Variants in ADAMTSL1 observed in about 807,000 individuals in gnomAD.
ADAMTSL1 encodes the protein ADAMTS like 1.
In ADAMTSL1, 126 loss-of-function variants were observed where a neutral mutation model predicts 201.8. The observed-to-expected ratio is 0.62, with a 90% CI of 0.54 to 0.72. The LOEUF (loss-of-function observed/expected upper bound fraction) is 0.72. Among genes scored for constraint, ADAMTSL1 ranks in the 30% least tolerant of loss-of-function variants. The pLI is 0.00. For synonymous variants in ADAMTSL1, 1,121 were observed against 903.4 expected (o/e 1.24, Z -4.32); for missense variants, 2,679 against 2,277.8 (o/e 1.18, Z -3.59).
intron 23 of ADAMTSL1, among the ~76,000 whole-genome samples, chr9:18,860,291 A>G (rs899677380): frequency 2.0e-5 from 3 of 152,210 alleles, no homozygotes; most frequent in African/African-American, 7.2e-5. Context: ...TTCTCAGCAT[A>G]CAGAAACTCA....
chr9:18,574,502 A>G, intron 4 of ADAMTSL1: 1 of 586,412 alleles, frequency 1.7e-6, no homozygotes. Context: ...TTGAATATAA[A>G]AGAATAAAAA....
In ADAMTSL1 at chr9:18,523,380, A is replaced by G. The variant is rs184313071; in HGVS notation, c.192-9867A>G. ...GAGTAGGTTGCAAAAATTTTCTCCC[A>G]TTCTGTAGGTTGCCTGTTCACTATG... On this transcript the variant is annotated intron_variant, in intron 2 of 28. Transcript: ENST00000380548. Among the ~76,000 whole-genome samples, 1,208 of 152,122 alleles carry G rather than the reference A, an allele frequency of 7.9e-3. 8 individuals carry two copies. The highest frequency in any genetic ancestry group is 0.012 in the Admixed American group (190 of 15,274).
chr9:18,696,950 G>C (rs1275279366), intron 13 of ADAMTSL1, among the ~76,000 whole-genome samples: 2 of 150,928 alleles, frequency 1.3e-5, no homozygotes, highest in Non-Finnish European at 2.9e-5. Context: ...TGTGATCTCA[G>C]CTCACTGCAA....
Position 18,706,860 on chromosome 9 carries a change from C to T in ADAMTSL1, c.1688C>T (p.Pro563Leu), listed in dbSNP as rs762583997. Reference sequence around the variant, plus strand: ...TTCTCTCAGTCCGTGGCTGACCTGCCTATTGACGAGTGTGAAGGGCCCAAG... The same window carrying T: ...TTCTCTCAGTCCGTGGCTGACCTGCTTATTGACGAGTGTGAAGGGCCCAAG... Reference protein sequence around the residue: ...LSFSQSVADLPIDECEGPKPA... With the variant: ...LSFSQSVADLLIDECEGPKPA... Residue 563 changes from proline (P) to leucine (L), a missense_variant, in exon 14 of 29, where the codon CCT (proline) becomes CTT (leucine). By Grantham distance (98) the Pro-to-Leu change is moderately conservative. Transcript: ENST00000380548. 3.2e-5 allele frequency: 52 copies of T among 1,613,482 alleles called. No homozygotes were observed. The highest frequency in any genetic ancestry group is 1.5e-4 in the Admixed American group (9 of 59,952).
At chr9:18,254,584 C>T (rs1244096414) in intron 2 of ADAMTSL1, among the ~76,000 whole-genome samples, 2 of 151,636 alleles carry the variant, frequency 1.3e-5, no homozygotes, top group East Asian at 2.0e-4. Flanking sequence ...AGGATGGTCT[C>T]GATCTCCTGA....
intron 1 of ADAMTSL1, among the ~76,000 whole-genome samples, chr9:17,929,852 C>G (rs929880755): frequency 6.6e-6 from 1 of 152,108 alleles, no homozygotes; most frequent in Non-Finnish European, 1.5e-5. Context: ...TCATACACTT[C>G]TTTGCATTTT....
intron 1 of ADAMTSL1, among the ~76,000 whole-genome samples, chr9:18,153,526 G>T (rs1045220033): frequency 6.6e-6 from 1 of 152,032 alleles, no homozygotes; most frequent in Non-Finnish European, 1.5e-5. Flanking sequence ...GTCCTAATCT[G>T]TGGAGCTTAA....
At chr9:18,213,513 G>A (rs1198473161) in intron 2 of ADAMTSL1, among the ~76,000 whole-genome samples, 2 of 152,112 alleles carry the variant, frequency 1.3e-5, no homozygotes, top group Non-Finnish European at 2.9e-5. Context: ...ATTGAGCCTG[G>A]GACTAGGTAT....
At chr9:18,133,560 G>A (rs1212346387) in intron 1 of ADAMTSL1, among the ~76,000 whole-genome samples, 1 of 152,138 alleles carries the variant, frequency 6.6e-6, no homozygotes, top group Non-Finnish European at 1.5e-5. Flanking sequence ...AATTGCTACT[G>A]AAACTAACTG....
At chr9:18,169,010 A>G (rs1402196920) in intron 2 of ADAMTSL1, among the ~76,000 whole-genome samples, 1 of 134,236 alleles carries the variant, frequency 7.4e-6, no homozygotes, top group Admixed American at 7.8e-5. Context: ...AGTTCATTGT[A>G]GATTCTGGAT....
At chr9:18,069,426 C>A (rs532544130) in intron 1 of ADAMTSL1, among the ~76,000 whole-genome samples, 1 of 152,218 alleles carries the variant, frequency 6.6e-6, no homozygotes, top group East Asian at 1.9e-4. Context: ...CATACATACA[C>A]ATATATGGAA....
Position 18,816,332 on chromosome 9 carries a change from G to A in ADAMTSL1, c.3806-777G>A, listed in dbSNP as rs550627607. On this transcript the variant is annotated intron_variant, in intron 20 of 28. Coordinates refer to ENST00000380548, the MANE Select transcript of ADAMTSL1 (RefSeq NM_001040272.6). ...GCTCATTGCACCTTCCACCTCCCAG[G>A]TTCAAGTGATTCTCATCCCTCAGCC... Among the ~76,000 whole-genome samples the A allele has an allele frequency of 2.9e-3, 442 of 152,276 alleles. 3 individuals are homozygous for A. Among genetic ancestry groups the A allele is most frequent in the African/African-American group, 0.01 (417 of 41,558 alleles).
At chr9:18,889,774 A>G (rs1829131297) in intron 25 of ADAMTSL1, 26 bp downstream of exon 25, 1 of 1,422,488 alleles carries the variant, frequency 7.0e-7, no homozygotes, top group South Asian at 1.6e-5. Context: ...ACTGGCTCAG[A>G]CCTCCCCACC....
At chr9:18,889,463 C>T (rs752456423) in intron 24 of ADAMTSL1, 105 bp from the exon 25 acceptor site, 67 of 1,277,450 alleles carry the variant, frequency 5.2e-5, no homozygotes, top group Non-Finnish European at 7.0e-5. Flanking sequence ...TCCTTCAGGC[C>T]ACAAATCCAC....
chr9:18,849,742 A>C (rs890701299), intron 23 of ADAMTSL1, among the ~76,000 whole-genome samples: 1 of 152,190 alleles, frequency 6.6e-6, no homozygotes, highest in Non-Finnish European at 1.5e-5. Context: ...TCACAAGGAA[A>C]ATGCTTTTGA....
At chr9:18,780,338 G>A (rs1198294277) in intron 19 of ADAMTSL1, among the ~76,000 whole-genome samples, 2 of 152,174 alleles carry the variant, frequency 1.3e-5, no homozygotes, top group African/African-American at 2.4e-5. Context: ...GGCCACGGAA[G>A]GTTAAAACTC....
chr9:18,194,655 T>A (rs892042158), intron 2 of ADAMTSL1, among the ~76,000 whole-genome samples: 1 of 152,116 alleles, frequency 6.6e-6, no homozygotes, highest in Non-Finnish European at 1.5e-5. Flanking sequence ...CCCAGCAGTG[T>A]ATATGCCTCG....
intron 3 of ADAMTSL1, among the ~76,000 whole-genome samples, chr9:18,546,064 A>G (rs1340185472): frequency 2.0e-5 from 3 of 152,214 alleles, no homozygotes; most frequent in Non-Finnish European, 4.4e-5. Flanking sequence ...TTGTACTATC[A>G]TTCTAGCAGT....
intron 1 of ADAMTSL1, among the ~76,000 whole-genome samples, chr9:17,907,202 C>T (rs899453755): frequency 6.6e-6 from 1 of 152,190 alleles, no homozygotes; most frequent in African/African-American, 2.4e-5. Flanking sequence ...CAGGCAGAGC[C>T]GGGGCGAGAA....
Sources: allele counts gnomAD v4.1 joint callset (sites outside exome capture counted in the v4.1 genomes callset), GRCh38; gene constraint gnomAD v4.1.1; transcripts MANE v1.5; gene names NCBI Gene and HGNC (gene_info 2026-07-23, HGNC 2026-07-21).